KIF18B: variants seen among roughly 807,000 people sequenced by gnomAD.
KIF18B encodes the protein kinesin family member 18B, also known as kinesin-like protein KIF18B.
A neutral mutation model predicts 80.9 loss-of-function variants in KIF18B; 49 were observed. The ratio of observed to expected loss-of-function variants is 0.61; its 90% CI spans 0.48 to 0.77. The LOEUF (loss-of-function observed/expected upper bound fraction) is 0.77. Among genes scored for constraint, KIF18B ranks in the 30% least tolerant of loss-of-function variants. The pLI is 0.00. For missense variants in KIF18B, 994 were observed against 1,127.7 expected (o/e 0.88, Z 1.70); for synonymous variants, 439 against 463.9 (o/e 0.95, Z 0.69).
intron 1 of KIF18B, among the ~76,000 whole-genome samples, chr17:44,941,181 G>A (rs575711128): frequency 6.6e-6 from 1 of 152,010 alleles, no homozygotes; most frequent in Non-Finnish European, 1.5e-5. Flanking sequence ...ACTACACATC[G>A]GGCTATACTG....
rs750462237 is a variant in KIF18B at position 44,926,468 on chromosome 17, C to T, written c.2398G>A (p.Ala800Thr). The change falls in exon 15 of 16, where the codon GCC becomes ACC. Residue 800 changes from alanine to threonine, a missense_variant. Coordinates refer to ENST00000593135, the MANE Select transcript of KIF18B (RefSeq NM_001265577.2). ...TTCAAAGTGCTGCTGGGGAGGCGGG[C>T]GATGCGGCTGCGGCCATGGGAGACT... ...SSVSHGRSRI[A>T]RLPSSTLKRP... is the part of the protein sequence containing the mutation. The T allele has an allele frequency of 2.2e-5, 35 of 1,588,738 alleles. No homozygotes were observed. The highest frequency in any genetic ancestry group is 2.7e-5 in the African/African-American group (2 of 74,278).
intron 1 of KIF18B, among the ~76,000 whole-genome samples, chr17:44,946,851 T>C (rs1345292625): frequency 6.6e-6 from 1 of 152,166 alleles, no homozygotes; most frequent in Non-Finnish European, 1.5e-5. Flanking sequence ...CCAGGCGCAG[T>C]GGCTCACATC....
At chr17:44,937,747 G>A (rs1009090624) in intron 1 of KIF18B, among the ~76,000 whole-genome samples, 1 of 151,806 alleles carries the variant, frequency 6.6e-6, no homozygotes, top group Non-Finnish European at 1.5e-5. Context: ...TTCATTTCTT[G>A]TCTATTGCAG....
chr17:44,928,519 T>C lies in KIF18B; in HGVS notation c.1783A>G (p.Thr595Ala), dbSNP rs1367700398. The change falls in exon 13 of 16, where the codon ACT becomes GCT. Residue 595 changes from threonine to alanine, a missense_variant. By Grantham distance (58) the Thr-to-Ala change is moderately conservative (BLOSUM62 0). Transcript: ENST00000593135. ...PPGYTGPVTRTMARRLSGPLH... is the reference protein window; with the variant it reads ...PPGYTGPVTRAMARRLSGPLH... ...GGGCCACTCAGTCGCCTCGCCATAG[T>C]CCGGGTCACAGGGCCAGTGTATCCT... The C allele has an allele frequency of 2.7e-6, 4 of 1,480,440 alleles. No homozygotes were observed. The highest frequency in any genetic ancestry group is 3.6e-6 in the Non-Finnish European group (4 of 1,121,100). The allele number at this position is 1,480,440 out of a possible 1,614,324, so 91.7% of individuals were successfully genotyped here.
In KIF18B at chr17:44,947,113, CAAAAAAAAAAAAAAAAA is replaced by C. The variant is rs57955845; in HGVS notation, c.-15+498_-15+514del. On this transcript the variant is annotated intron_variant, in intron 1 of 15. Transcript: ENST00000593135. ...GACAGAGAGAGAGAGACTCCATCTC[CAAAAAAAAAAAAAAAAA>C]AAAAAAAAAAAATTTTACTGCGTGC... Among the ~76,000 whole-genome samples the C allele has an allele frequency of 5.6e-5, 3 of 54,008 alleles. No individual in the cohort carries two copies. In the South Asian group the frequency reaches 2.3e-3, roughly 42 times the overall value. The allele number at this position is 54,008 out of a possible 152,430, so 35.4% of individuals were successfully genotyped here. A position where few individuals can be genotyped will look rare whatever the true frequency, so the allele number is the denominator to read the frequency against.
Position 44,928,588 on chromosome 17 carries a change from A to C in KIF18B, c.1724-10T>G. The C allele has an allele frequency of 2.1e-6, 3 of 1,446,502 alleles. No individual in the cohort carries two copies. The highest frequency in any genetic ancestry group is 2.7e-6 in the Non-Finnish European group (3 of 1,106,690). 89.6% of individuals were successfully genotyped at this position (1,446,502 alleles called of 1,614,324 possible). Reference sequence around the variant, plus strand: ...GGAGACGGCACAGGGACTGCACAGAAGGAAGGAGAGTTTGTAGAACTTGGG... The same window carrying C: ...GGAGACGGCACAGGGACTGCACAGACGGAAGGAGAGTTTGTAGAACTTGGG... On this transcript the variant is annotated splice_polypyrimidine_tract_variant and intron_variant, in intron 12 of 15. Coordinates refer to ENST00000593135, the MANE Select transcript of KIF18B (RefSeq NM_001265577.2).
rs200150609 is a variant in KIF18B at position 44,932,250 on chromosome 17, G to T, written c.1239-44C>A. The T allele has an allele frequency of 6.1e-4, 936 of 1,544,418 alleles. 1 individual carries two copies. Among genetic ancestry groups the T allele is most frequent in the Non-Finnish European group, 7.3e-4 (840 of 1,146,810 alleles). On this transcript the variant is annotated intron_variant, in intron 9 of 15. Transcript: ENST00000593135. Reference sequence around the variant, plus strand: ...AAGGGGGAGCTGGGAAGGCTAAGCGGGAAAGGAGGGTTTGAGAGGCAGGAT... The same window carrying T: ...AAGGGGGAGCTGGGAAGGCTAAGCGTGAAAGGAGGGTTTGAGAGGCAGGAT...
rs1163646022 is a variant in KIF18B at position 44,925,883 on chromosome 17, G to A, written c.*197C>T. The A allele has an allele frequency of 1.6e-6, 1 of 625,616 alleles. No individual in the cohort carries two copies. The highest frequency in any genetic ancestry group is 1.8e-5 in the African/African-American group (1 of 54,114). 38.8% of individuals were successfully genotyped at this position (625,616 alleles called of 1,614,324 possible). ...ACATGCCAAGAAGCTGAGTGTAACA[G>A]GAGATTAACAGAGGGTGAGTAGCAG... On this transcript the variant is annotated 3_prime_UTR_variant, in exon 16 of 16. Coordinates refer to ENST00000593135, the MANE Select transcript of KIF18B (RefSeq NM_001265577.2).
At chr17:44,945,355 C>T (rs1347092028) in intron 1 of KIF18B, among the ~76,000 whole-genome samples, 1 of 152,184 alleles carries the variant, frequency 6.6e-6, no homozygotes, top group Non-Finnish European at 1.5e-5. Flanking sequence ...GCCACCATGC[C>T]CAGTCTTATC....
At chr17:44,929,781 A>G (rs2052108829) in intron 11 of KIF18B, among the ~76,000 whole-genome samples, 1 of 152,204 alleles carries the variant, frequency 6.6e-6, no homozygotes, top group Non-Finnish European at 1.5e-5. Context: ...CATTCCGTCT[A>G]TGCTTTCTAT....
At chr17:44,926,744 C>T (rs961521428) in intron 14 of KIF18B, among the ~76,000 whole-genome samples, 8 of 152,100 alleles carry the variant, frequency 5.3e-5, no homozygotes, top group Non-Finnish European at 1.2e-4. Flanking sequence ...TGCAACATCT[C>T]CCTCATGGAT....
chr17:44,936,170 C>T lies in KIF18B; in HGVS notation c.175G>A (p.Asp59Asn), dbSNP rs776523420. Residue 59 changes from aspartate (D) to asparagine (N), a missense_variant, in exon 2 of 16, where the codon GAT (aspartate) becomes AAT (asparagine). Transcript: ENST00000593135. ...TCTTTGCCCTTCTTCTTGGGGCCAT[C>T]ATGGGTGCCACCCCATTTCAGGCCA... The part of the protein sequence containing the change: ...FPGLKWGGTH[D>N]GPKKKGKDLT... 7 of 1,613,178 alleles carry T rather than the reference C, an allele frequency of 4.3e-6. No homozygotes were observed. The highest frequency in any genetic ancestry group is 4.0e-5 in the African/African-American group (3 of 75,040).
chr17:44,934,981 A>G lies in KIF18B; in HGVS notation c.472-46T>C, dbSNP rs1236825169. ...GAGGCCTGAGGGAGAGCGGCCCATC[A>G]GGAAACCTCTCCCTAGCGGCTGGAC... On this transcript the variant is annotated intron_variant, in intron 3 of 15. Transcript: ENST00000593135. This position sits in a 1 kb window ranked among gnomAD's most constrained non-coding sequence, Gnocchi z 5.4. 1.6e-5 allele frequency: 22 copies of G among 1,349,510 alleles called. No individual in the cohort carries two copies. The highest frequency in any genetic ancestry group is 2.2e-5 in the Non-Finnish European group (22 of 978,210). The allele number at this position is 1,349,510 out of a possible 1,614,324, so 83.6% of individuals were successfully genotyped here.
In KIF18B at chr17:44,934,453, AG is replaced by A; in HGVS notation, c.688-24del. 6.2e-7 allele frequency: 1 copy of A among 1,604,128 alleles called. No homozygotes were observed. Among genetic ancestry groups the A allele is most frequent in the Non-Finnish European group, 8.5e-7 (1 of 1,174,098 alleles). ...GATCTGAAGGCAGATGGCAGGGGTG[AG>A]GGGGAGATGGGCATCAGGGGCACTG... On this transcript the variant is annotated intron_variant, in intron 5 of 15. Coordinates refer to ENST00000593135, the MANE Select transcript of KIF18B (RefSeq NM_001265577.2). This position sits in a 1 kb window ranked among gnomAD's most constrained non-coding sequence, Gnocchi z 5.4.
chr17:44,943,066 A>G (rs1454646655), intron 1 of KIF18B, among the ~76,000 whole-genome samples: 3 of 151,638 alleles, frequency 2.0e-5, no homozygotes, highest in African/African-American at 7.3e-5. Context: ...GGTTCTTCCT[A>G]CATGTTGTGG....
At chr17:44,938,142 A>G (rs994269828) in intron 1 of KIF18B, among the ~76,000 whole-genome samples, 1 of 152,082 alleles carries the variant, frequency 6.6e-6, no homozygotes, top group Non-Finnish European at 1.5e-5. Context: ...CAGCCTCCCC[A>G]GTAGCTGGGA....
chr17:44,924,742 A>G lies in KIF18B; in HGVS notation c.*1338T>C, dbSNP rs2051990357. 6.6e-6 allele frequency: 1 copy of G among 152,170 alleles called. No homozygotes were observed. Among genetic ancestry groups the G allele is most frequent in the Non-Finnish European group, 1.5e-5 (1 of 68,036 alleles). The allele number at this position is 152,170 out of a possible 1,614,324, so 9.4% of individuals were successfully genotyped here. On this transcript the variant is annotated 3_prime_UTR_variant, in exon 16 of 16. Transcript: ENST00000593135. ...GGAGACGGTTTATTGTTATACCAAA[A>G]ATATATGTATATATCTATATATATA...
chr17:44,926,886 T>C, intron 14 of KIF18B, 103 bp downstream of exon 14: 1 of 973,652 alleles, frequency 1.0e-6, no homozygotes, highest in Non-Finnish European at 1.6e-6. Flanking sequence ...GCTCCGGGGG[T>C]GTAGAGACAG....
chr17:44,935,283 G>T lies in KIF18B; in HGVS notation c.447C>A (p.Phe149Leu). 6.2e-7 allele frequency: 1 copy of T among 1,610,638 alleles called. No individual in the cohort carries two copies. The highest frequency in any genetic ancestry group is 8.5e-7 in the Non-Finnish European group (1 of 1,177,892). ...CCTCCTGGTAGCTGATGAGCACCTC[G>T]AAGTGCTTCTCCTGCTGGCGGGCCT... The part of the protein sequence containing the change: ...RLEARQQEKH[F>L]EVLISYQEVY... The change falls in exon 3 of 16, where the codon TTC (phenylalanine) becomes TTA (leucine). Residue 149 changes from phenylalanine (F) to leucine (L), a missense_variant. Transcript: ENST00000593135.
Sources: gnomAD v4.1 joint callset for allele counts (sites outside exome capture counted in the v4.1 genomes callset) on GRCh38, gnomAD v4.1.1 for gene constraint, Gnocchi (gnomAD v3.1) non-coding constraint, MANE v1.5 for transcripts, NCBI Gene and HGNC (gene_info 2026-07-23, HGNC 2026-07-21) for gene names.